The following CDH23 variants were observed in gnomAD, a reference collection of about 807,000 sequenced individuals.
CDH23 encodes cadherin-23.
CDH23 carries 189 observed loss-of-function variants against 317.1 expected under a neutral mutation model. That is an observed-to-expected ratio of 0.60 (90% CI 0.53 to 0.67). The LOEUF (loss-of-function observed/expected upper bound fraction) is 0.67, where lower values mean the gene tolerates loss of function less well. CDH23 is among the 30% of genes least tolerant of loss of function. CDH23 has a pLI of 0.00. For missense variants in CDH23, 4,401 were observed against 4,592.4 expected (o/e 0.96, Z 1.20); for synonymous variants, 1,839 against 1,876.8 (o/e 0.98, Z 0.52).
At chr10:71,762,835 C>A (rs1840430113) in intron 38 of CDH23, among the ~76,000 whole-genome samples, 2 of 152,206 alleles carry the variant, frequency 1.3e-5, no homozygotes, top group Non-Finnish European at 2.9e-5. Flanking sequence ...GTCCTTCCAG[C>A]CAAACTTAGA....
chr10:71,695,571 G>A lies in CDH23; in HGVS notation c.2397+46G>A, dbSNP rs776939976. The A allele has an allele frequency of 2.9e-6, 4 of 1,370,176 alleles. No individual in the cohort carries two copies. In the Admixed American group the frequency reaches 5.0e-5, roughly 17 times the overall value. The allele number at this position is 1,370,176 out of a possible 1,614,324, so 84.9% of individuals were successfully genotyped here. On this transcript the variant is annotated intron_variant, in intron 22 of 69. Transcript: ENST00000224721. Reference sequence around the variant, plus strand: ...AGAACTGCCAGGCGGCCCTTCCCAGGGGTCTGTGCCCCTCCCACTGCGATT... The same window carrying A: ...AGAACTGCCAGGCGGCCCTTCCCAGAGGTCTGTGCCCCTCCCACTGCGATT...
rs535580463 is a variant in CDH23 at position 71,676,713 on chromosome 10, C to T, written c.1515-743C>T. 2.0e-3 allele frequency among the ~76,000 whole-genome samples: 309 copies of T among 152,318 alleles called. 1 individual carries two copies. The highest frequency in any genetic ancestry group is 7.1e-3 in the African/African-American group (294 of 41,566). ...GGGGTCTGAAATGGGAGGAAGTCAC[C>T]AGCATGGCTGAATGCACAGGGAGCC... is the stretch of plus-strand genomic sequence containing the variant. On this transcript the variant is annotated intron_variant, in intron 15 of 69. Transcript: ENST00000224721.
Position 71,687,601 on chromosome 10 carries a change from A to G in CDH23, c.1987-46A>G, listed in dbSNP as rs531299849. On this transcript the variant is annotated intron_variant, in intron 18 of 69. Coordinates refer to ENST00000224721, the MANE Select transcript of CDH23 (RefSeq NM_022124.6). ...CCCACCTTAGACATCTGGCCAGCCC[A>G]CCTGCCTCCCTGCAGCCTCCTGCAA... The G allele has an allele frequency of 1.9e-6, 3 of 1,584,078 alleles. No individual in the cohort carries two copies. The Admixed American group carries it at 5.0e-5, about 26-fold the overall frequency.
At chr10:71,738,999 C>T (rs1305701095) in intron 35 of CDH23, among the ~76,000 whole-genome samples, 5 of 152,230 alleles carry the variant, frequency 3.3e-5, no homozygotes, top group East Asian at 1.9e-4. Flanking sequence ...TGGCAGGAGG[C>T]GCTTGCTGTC....
At chr10:71,456,354 C>T (rs945427765) in intron 3 of CDH23, among the ~76,000 whole-genome samples, 2 of 151,852 alleles carry the variant, frequency 1.3e-5, no homozygotes, top group Non-Finnish European at 2.9e-5. Context: ...GGTGCTTCTG[C>T]GTCCTTGCTT....
chr10:71,398,974 A>G (rs942463695), intron 1 of CDH23, among the ~76,000 whole-genome samples: 3 of 152,142 alleles, frequency 2.0e-5, no homozygotes, highest in African/African-American at 4.8e-5. Context: ...TCACCTCTAA[A>G]CAGCTGGGCT....
In CDH23 at chr10:71,638,404, G is replaced by C. The variant is rs768930145; in HGVS notation, c.1135-5457G>C. On this transcript the variant is annotated intron_variant, in intron 11 of 69. Coordinates refer to ENST00000224721, the MANE Select transcript of CDH23 (RefSeq NM_022124.6). Reference sequence around the variant, plus strand: ...ATGGGGAGGGCCAAAGAGCCAGAGAGACAAAGGAGGCATCTGCAGGCCTCG... The same window carrying C: ...ATGGGGAGGGCCAAAGAGCCAGAGACACAAAGGAGGCATCTGCAGGCCTCG... Among the ~76,000 whole-genome samples, 118 of 152,242 alleles carry C rather than the reference G, an allele frequency of 7.8e-4. 2 individuals carry two copies. The highest frequency in any genetic ancestry group is 4.6e-4 in the Admixed American group (7 of 15,286).
intron 9 of CDH23, among the ~76,000 whole-genome samples, chr10:71,578,923 C>G (rs188422074): frequency 6.6e-6 from 1 of 152,296 alleles, no homozygotes; most frequent in Admixed American, 6.5e-5. Flanking sequence ...GCCCCTAAAG[C>G]TCAGAGGACA....
At chr10:71,625,274 C>T (rs1247569190) in intron 11 of CDH23, among the ~76,000 whole-genome samples, 1 of 151,088 alleles carries the variant, frequency 6.6e-6, no homozygotes, top group Non-Finnish European at 1.5e-5. Flanking sequence ...GGGGACACAT[C>T]TGGCAGGAAC....
chr10:71,677,818 T>G, intron 16 of CDH23, 125 bp downstream of exon 16: 1 of 764,362 alleles, frequency 1.3e-6, no homozygotes, highest in Non-Finnish European at 2.2e-6. Context: ...CAGGCTGGAG[T>G]GCAGTGGTAC....
rs146767009 is a variant in CDH23 at position 71,598,462 on chromosome 10, C to T, written c.833-17042C>T. On this transcript the variant is annotated intron_variant, in intron 9 of 69. Coordinates refer to ENST00000224721, the MANE Select transcript of CDH23 (RefSeq NM_022124.6). ...GGCCCTCTCCAGGAGGGCCTATGCC[C>T]AGAGTTTGGAGTGGGAGTGCTATAG... Among the ~76,000 whole-genome samples the T allele has an allele frequency of 8.1e-4, 123 of 152,336 alleles. 1 individual carries two copies. Among genetic ancestry groups the T allele is most frequent in the Middle Eastern group, 3.4e-3 (1 of 294 alleles).
intron 17 of CDH23, among the ~76,000 whole-genome samples, 196 bp from the exon 18 acceptor site, chr10:71,682,249 C>T (rs560121088): frequency 1.3e-4 from 20 of 152,320 alleles, no homozygotes; most frequent in African/African-American, 4.3e-4. Flanking sequence ...ACCTGGTGGG[C>T]GCAGCACAGG....
At chr10:71,658,178 A>G (rs1863496608) in intron 14 of CDH23, among the ~76,000 whole-genome samples, 1 of 152,074 alleles carries the variant, frequency 6.6e-6, no homozygotes, top group South Asian at 2.1e-4. Context: ...GCCTGTGTTT[A>G]TCTCTTTAAT....
In CDH23 at chr10:71,793,248, G is replaced by A. The variant is rs780094972; in HGVS notation, c.6320G>A (p.Arg2107Gln). 3.0e-5 allele frequency: 48 copies of A among 1,613,752 alleles called. No homozygotes were observed. Among genetic ancestry groups the A allele is most frequent in the Admixed American group, 6.7e-5 (4 of 59,996 alleles). Residue 2107 changes from arginine to glutamine, a missense_variant, in exon 48 of 70, where the codon CGA becomes CAA. Arg to Gln is a conservative substitution (Grantham distance 43). Transcript: ENST00000224721. ...DSGLNGELVY[R>Q]IEAGAQDRFL... ...GGCCTCAATGGGGAGCTGGTCTACC[G>A]AATAGAAGCTGGGGCTCAGGACCGC...
chr10:71,803,180 C>A, intron 54 of CDH23, 29 bp from the exon 55 acceptor site: 1 of 1,606,992 alleles, frequency 6.2e-7, no homozygotes, highest in Non-Finnish European at 8.5e-7. Context: ...ATGTCTCAAC[C>A]AGAGCTACTC....
chr10:71,419,748 CT>C (rs1848670345), intron 1 of CDH23, among the ~76,000 whole-genome samples: 1 of 152,350 alleles, frequency 6.6e-6, no homozygotes, highest in South Asian at 2.1e-4. Context: ...CAGCAGCTCA[CT>C]TTACCTGTAA....
chr10:71,510,878 C>T lies in CDH23; in HGVS notation c.289-76C>T, dbSNP rs932994161. 461 of 1,439,710 alleles carry T rather than the reference C, an allele frequency of 3.2e-4. 1 individual carries two copies. The highest frequency in any genetic ancestry group is 4.1e-4 in the Non-Finnish European group (421 of 1,021,422). 89.2% of individuals were successfully genotyped at this position (1,439,710 alleles called of 1,614,324 possible). On this transcript the variant is annotated intron_variant, in intron 4 of 69. Transcript: ENST00000224721. The stretch of plus-strand genomic sequence containing the variant: ...CCTAGGGCAATCCTGGAGCCCCTCC[C>T]GCCCCATTTAGGGCCCAGGACCCAG...
intron 2 of CDH23, among the ~76,000 whole-genome samples, chr10:71,445,601 G>A (rs1850117933): frequency 2.0e-5 from 3 of 152,194 alleles, no homozygotes; most frequent in Admixed American, 1.3e-4. Context: ...CACTTTAGGA[G>A]GCCAAGGCAG....
At chr10:71,517,876 G>A (rs945510206) in intron 6 of CDH23, among the ~76,000 whole-genome samples, 1 of 152,180 alleles carries the variant, frequency 6.6e-6, no homozygotes, top group Non-Finnish European at 1.5e-5. Context: ...ACCCTGAGGT[G>A]CCTGCCCTTT....
Sources: gnomAD v4.1 joint callset for allele counts (sites outside exome capture counted in the v4.1 genomes callset) on GRCh38, gnomAD v4.1.1 for gene constraint, MANE v1.5 for transcripts, NCBI Gene and HGNC (gene_info 2026-07-23, HGNC 2026-07-21) for gene names.